The following PCDHGB1 variants were observed in gnomAD, a reference collection of about 807,000 sequenced individuals.
PCDHGB1 encodes protocadherin gamma-B1.
A neutral mutation model predicts 56.6 loss-of-function variants in PCDHGB1; 34 were observed. That is an observed-to-expected ratio of 0.60 (90% confidence interval 0.46 to 0.80). The LOEUF is 0.80. Ranked by LOEUF, PCDHGB1 falls within the 30% of genes least tolerant of loss-of-function variation. The probability of loss-of-function intolerance (pLI) is 0.00; values close to 1 mark genes in which losing one functional copy is unlikely to be tolerated. For synonymous variants in PCDHGB1, 561 were observed against 505.9 expected (o/e 1.11, Z -1.46); for missense variants, 1,278 against 1,204.6 (o/e 1.06, Z -0.90).
chr5:141,394,803 G>A lies in PCDHGB1; in HGVS notation c.2409+42134G>A, dbSNP rs143444747. The A allele has an allele frequency of 2.5e-6, 4 of 1,613,844 alleles. No homozygotes were observed. In the African/African-American group the frequency reaches 4.0e-5, roughly 16 times the overall value. On this transcript the variant is annotated intron_variant, in intron 1 of 3. Coordinates refer to ENST00000523390, the MANE Select transcript of PCDHGB1 (RefSeq NM_018922.3). Reference sequence around the variant, plus strand: ...CGCCACTGTCACGCTCACCGTAGCCGTGGCTGACAGCATCCCCGAAGTCCT... The same window carrying A: ...CGCCACTGTCACGCTCACCGTAGCCATGGCTGACAGCATCCCCGAAGTCCT...
intron 1 of PCDHGB1, chr5:141,414,763 C>A: frequency 6.2e-7 from 1 of 1,614,258 alleles, no homozygotes; most frequent in Non-Finnish European, 8.5e-7. Flanking sequence ...TGAGCAGTTT[C>A]ATGAGCTACA....
At chr5:141,409,745 T>G (rs968473065) in intron 1 of PCDHGB1, 9 of 1,613,074 alleles carry the variant, frequency 5.6e-6, no homozygotes, top group Non-Finnish European at 7.6e-6. Flanking sequence ...CGGGGTGGTG[T>G]TCGCGCAGCG....
intron 1 of PCDHGB1, chr5:141,372,062 C>T: frequency 1.2e-6 from 2 of 1,613,470 alleles, no homozygotes; most frequent in Non-Finnish European, 1.7e-6. Context: ...ACGACCGCAA[C>T]GACAATGCAC....
In PCDHGB1 at chr5:141,478,182, A is replaced by T. The variant is rs777228133; in HGVS notation, c.2410-16625A>T. The T allele has an allele frequency of 5.0e-6, 8 of 1,613,866 alleles. No individual in the cohort carries two copies. In the South Asian group the frequency reaches 8.8e-5, roughly 18 times the overall value. ...TCTGCCCCCCGGGAGCAGAAAAAAA[A>T]TCTCACCTTTTATCTACTTCTTTCT... is the stretch of plus-strand genomic sequence containing the variant. On this transcript the variant is annotated intron_variant, in intron 1 of 3. Transcript: ENST00000523390.
chr5:141,475,989 A>G, intron 1 of PCDHGB1: 1 of 1,130,622 alleles, frequency 8.8e-7, no homozygotes, highest in Non-Finnish European at 1.3e-6. Flanking sequence ...CCGGCGAGCA[A>G]ATCAACGGCA....
intron 1 of PCDHGB1, among the ~76,000 whole-genome samples, chr5:141,436,884 G>T (rs1041906146): frequency 6.6e-6 from 1 of 152,190 alleles, no homozygotes; most frequent in Non-Finnish European, 1.5e-5. Context: ...AAAAGATGGG[G>T]GAAAGATTTT....
intron 1 of PCDHGB1, among the ~76,000 whole-genome samples, chr5:141,483,834 A>G (rs2154580001): frequency 6.6e-6 from 1 of 152,212 alleles, no homozygotes; most frequent in South Asian, 2.1e-4. Flanking sequence ...CTAGGTAAGG[A>G]CTTGGTTGAA....
intron 1 of PCDHGB1, among the ~76,000 whole-genome samples, chr5:141,438,613 TATATATATATATATATATATATACAC>T (rs1192023297): frequency 0.026 from 946 of 36,486 alleles, 27 homozygotes; most frequent in African/African-American, 0.12. Flanking sequence ...TATATATATA[TATATATATATATATATATATATACAC>T]ACACACACAC....
intron 1 of PCDHGB1, among the ~76,000 whole-genome samples, chr5:141,480,451 T>G (rs2099519323): frequency 6.6e-6 from 1 of 152,136 alleles, no homozygotes; most frequent in African/African-American, 2.4e-5. Flanking sequence ...ATAATTATTT[T>G]TATTAGTTCC....
intron 1 of PCDHGB1, chr5:141,390,422 G>A: frequency 9.3e-7 from 1 of 1,071,928 alleles, no homozygotes; most frequent in South Asian, 1.6e-5. Flanking sequence ...CAGTTAAAAA[G>A]CTGTCATATC....
At position 141,489,300 on chromosome 5, in the gene PCDHGB1, C is replaced by T; in HGVS notation, c.2410-5507C>T. 1 of 1,585,700 alleles carries T rather than the reference C, an allele frequency of 6.3e-7. No individual in the cohort carries two copies. The highest frequency in any genetic ancestry group is 1.3e-5 in the African/African-American group (1 of 74,388). On this transcript the variant is annotated intron_variant, in intron 1 of 3. Coordinates refer to ENST00000523390, the MANE Select transcript of PCDHGB1 (RefSeq NM_018922.3). This position sits in a 1 kb window ranked among gnomAD's most constrained non-coding sequence, Gnocchi z 4.5. The stretch of plus-strand genomic sequence containing the variant: ...AATGGCAAGTGCTGTGCATGTTGTC[C>T]TTGTGCTGCTGGGGCTGGGTGTCTG...
chr5:141,366,388 T>G, intron 1 of PCDHGB1: 5 of 1,614,152 alleles, frequency 3.1e-6, no homozygotes, highest in Non-Finnish European at 4.2e-6. Context: ...ACCCTGAGGA[T>G]CTGGACCTCA....
At chr5:141,450,006 C>CTT (rs1554136305) in intron 1 of PCDHGB1, among the ~76,000 whole-genome samples, 6 of 132,984 alleles carry the variant, frequency 4.5e-5, no homozygotes, top group East Asian at 2.2e-4. Flanking sequence ...TGCCATGTCT[C>CTT]TTTTTTTTTT....
chr5:141,373,280 A>C (rs1187870137), intron 1 of PCDHGB1, among the ~76,000 whole-genome samples: 2 of 152,242 alleles, frequency 1.3e-5, no homozygotes, highest in African/African-American at 2.4e-5. Flanking sequence ...GATGTTGCCT[A>C]TGTCAGGGCA....
At chr5:141,497,223 T>C (rs921763195) in intron 2 of PCDHGB1, among the ~76,000 whole-genome samples, 1 of 151,762 alleles carries the variant, frequency 6.6e-6, no homozygotes, top group Admixed American at 6.6e-5. Context: ...GGGGGGAAGA[T>C]CAGAGAAGGC....
intron 1 of PCDHGB1, chr5:141,357,859 C>G: frequency 1.7e-6 from 1 of 591,080 alleles, no homozygotes; most frequent in South Asian, 2.2e-5. Context: ...CCAGAATTTT[C>G]TAATTTTACA....
intron 1 of PCDHGB1, chr5:141,403,457 A>G: frequency 6.2e-7 from 1 of 1,613,982 alleles, no homozygotes; most frequent in Non-Finnish European, 8.5e-7. Context: ...CTCCCTCCAG[A>G]GCTACCAGCT....
intron 1 of PCDHGB1, among the ~76,000 whole-genome samples, chr5:141,402,640 T>G (rs1180615388): frequency 1.3e-5 from 2 of 152,232 alleles, no homozygotes; most frequent in East Asian, 3.8e-4. Flanking sequence ...TCTAAAATCA[T>G]AATTAGAAGA....
intron 1 of PCDHGB1, among the ~76,000 whole-genome samples, chr5:141,425,189 T>C (rs1042702500): frequency 2.6e-5 from 4 of 152,116 alleles, no homozygotes; most frequent in African/African-American, 7.2e-5. Flanking sequence ...AATTCCAAAC[T>C]GAGAAAAATG....
Sources: allele counts gnomAD v4.1 joint callset (sites outside exome capture counted in the v4.1 genomes callset), GRCh38; gene constraint gnomAD v4.1.1; non-coding constraint Gnocchi (gnomAD v3.1); transcripts MANE v1.5; gene names NCBI Gene and HGNC (gene_info 2026-07-23, HGNC 2026-07-21).